The following CFAP20DC variants were observed in gnomAD, a reference collection of about 807,000 sequenced individuals.
CFAP20DC encodes the protein CFAP20 domain containing.
Under a neutral mutation model 101.7 loss-of-function variants are expected in CFAP20DC, and 84 were observed. That is an observed-to-expected ratio of 0.83 (90% CI 0.69 to 0.99). CFAP20DC has a LOEUF of 0.99. CFAP20DC is among the 50% of genes least tolerant of loss of function. The pLI is 0.00. For missense variants in CFAP20DC, 1,007 were observed against 970.3 expected, an observed-to-expected ratio of 1.04 and a Z score of -0.50; for synonymous variants, 359 against 351.2, an observed-to-expected ratio of 1.02 and a Z score of -0.25.
intron 5 of CFAP20DC, among the ~76,000 whole-genome samples, chr3:58,937,154 C>G (rs1006067730): frequency 7.9e-5 from 12 of 152,192 alleles, no homozygotes; most frequent in African/African-American, 2.9e-4. Context: ...CTTGTACTGT[C>G]AGACCAATGT....
intron 5 of CFAP20DC, among the ~76,000 whole-genome samples, chr3:58,935,699 C>T (rs2087469736): frequency 6.6e-6 from 1 of 152,124 alleles, no homozygotes; most frequent in South Asian, 2.1e-4. Context: ...ATAAATGGTG[C>T]TGGGAAAACT....
chr3:58,967,785 T>C (rs1314450208), intron 4 of CFAP20DC, among the ~76,000 whole-genome samples: 2 of 152,184 alleles, frequency 1.3e-5, no homozygotes, highest in East Asian at 3.9e-4. Context: ...TGGGGGTTTG[T>C]TGTACAGATT....
chr3:59,048,961 T>C (rs1700095262), intron 1 of CFAP20DC, among the ~76,000 whole-genome samples: 1 of 152,170 alleles, frequency 6.6e-6, no homozygotes, highest in Admixed American at 6.5e-5. Flanking sequence ...GTGTGATCCT[T>C]GGACCCCCTG....
chr3:58,822,494 G>A (rs979338938), intron 14 of CFAP20DC, among the ~76,000 whole-genome samples: 2 of 150,548 alleles, frequency 1.3e-5, no homozygotes, highest in African/African-American at 4.9e-5. Flanking sequence ...GCTAGATGAC[G>A]TGTTAGTGGG....
Position 58,806,416 on chromosome 3 carries a change from G to A in CFAP20DC, c.2216C>T (p.Pro739Leu), listed in dbSNP as rs990641232. The change falls in exon 15 of 17, where the codon CCA becomes CTA. Residue 739 changes from proline to leucine, a missense_variant. By Grantham distance (98) the Pro-to-Leu change is moderately conservative. Transcript: ENST00000482387. The part of the protein sequence containing the change: ...QGRHYQKEMN[P>L]PSPSNPRDWL... Reference sequence around the variant, plus strand: ...TTACCGGGGATTAGAAGGAGAAGGTGGGTTCATTTCTTTCTGATAGTGGCG... The same window carrying A: ...TTACCGGGGATTAGAAGGAGAAGGTAGGTTCATTTCTTTCTGATAGTGGCG... 1.2e-6 allele frequency: 2 copies of A among 1,609,048 alleles called. No individual in the cohort carries two copies. The highest frequency in any genetic ancestry group is 4.5e-5 in the East Asian group (2 of 44,858).
At chr3:59,037,692 A>ACTAG (rs1336387218) in intron 4 of CFAP20DC, among the ~76,000 whole-genome samples, 2 of 151,682 alleles carry the variant, frequency 1.3e-5, no homozygotes, top group East Asian at 1.9e-4. Flanking sequence ...GGGAGTCTAA[A>ACTAG]TTAAACCACT....
chr3:58,921,252 ATTAT>A (rs1400365340), intron 5 of CFAP20DC, among the ~76,000 whole-genome samples: 1 of 151,910 alleles, frequency 6.6e-6, no homozygotes, highest in African/African-American at 2.4e-5. Flanking sequence ...TCATTGAATT[ATTAT>A]TTAATTACTT....
rs1302792721 is a variant in CFAP20DC at position 58,846,454 on chromosome 3, C to A, written c.1971+2578G>T. Reference sequence around the variant, plus strand: ...AGAAAATACCTAGGAATCCAACCTACAAGGGATGTGAAGGACCTCTTCAGG... The same window carrying A: ...AGAAAATACCTAGGAATCCAACCTAAAAGGGATGTGAAGGACCTCTTCAGG... On this transcript the variant is annotated intron_variant, in intron 13 of 16. Transcript: ENST00000482387. 2.0e-5 allele frequency among the ~76,000 whole-genome samples: 3 copies of A among 152,004 alleles called. No individual in the cohort carries two copies. In the East Asian group the frequency reaches 5.8e-4, roughly 29 times the overall value.
In CFAP20DC at chr3:58,863,613, G is replaced by T. The variant is rs756476313; in HGVS notation, c.1538C>A (p.Thr513Lys). The T allele has an allele frequency of 6.2e-7, 1 of 1,614,126 alleles. No individual in the cohort carries two copies. The highest frequency in any genetic ancestry group is 1.1e-5 in the South Asian group (1 of 91,084). Residue 513 changes from threonine to lysine, a missense_variant, in exon 12 of 17, where the codon ACA becomes AAA. Physicochemically the swap from Thr to Lys is moderately conservative, Grantham distance 78. Coordinates refer to ENST00000482387, the MANE Select transcript of CFAP20DC (RefSeq NM_001394063.1). The surrounding 1 kb of genome is among the most constrained non-coding windows in gnomAD (Gnocchi z 5.9). ...ATCCTCTGATTGGGTGTCTCTGCTT[G>T]TCACACTGTTATCCTCTTTTAGATC... ...ILDLKEDNSV[T>K]SRDTQSEDDF... is the part of the protein sequence containing the mutation.
rs2076403417 is a variant in CFAP20DC, at chr3:58,831,694, G to A, written c.2167C>T (p.Leu723=). Residue 723 remains leucine, a synonymous_variant, in exon 14 of 17, where the codon CTG becomes TTG. Coordinates refer to ENST00000482387, the MANE Select transcript of CFAP20DC (RefSeq NM_001394063.1). ...CAAAGCCAGGGACTCACGGGTGGCA[G>A]GCAGGAGTTCCAGGTGGTTGTGTCG... ...SDDTTTWNSC[L]PPPVNQGRHY... The A allele has an allele frequency of 6.2e-7, 1 of 1,613,642 alleles. No individual in the cohort carries two copies. Among genetic ancestry groups the A allele is most frequent in the African/African-American group, 1.3e-5 (1 of 74,912 alleles).
chr3:59,039,763 C>A, intron 3 of CFAP20DC, 134 bp from the exon 4 acceptor site: 2 of 484,746 alleles, frequency 4.1e-6, no homozygotes. Context: ...AATAGCACTA[C>A]CTATGAGTTA....
intron 14 of CFAP20DC, among the ~76,000 whole-genome samples, chr3:58,829,338 A>G (rs1030853916): frequency 2.6e-5 from 4 of 151,122 alleles, no homozygotes; most frequent in Non-Finnish European, 5.9e-5. Context: ...AAAAAAAAAA[A>G]GGGATATTAT....
At chr3:58,779,936 AAG>A (rs546197452) in intron 15 of CFAP20DC, among the ~76,000 whole-genome samples, 3 of 152,080 alleles carry the variant, frequency 2.0e-5, no homozygotes, top group African/African-American at 7.2e-5. Flanking sequence ...ATCAAAAACA[AAG>A]AGAGAATTAT....
Position 59,024,462 on chromosome 3 carries a change from A to T in CFAP20DC, c.278+15095T>A, listed in dbSNP as rs190802848. Among the ~76,000 whole-genome samples the T allele has an allele frequency of 2.0e-5, 3 of 152,262 alleles. No homozygotes were observed. The East Asian group carries it at 5.8e-4, about 29-fold the overall frequency. On this transcript the variant is annotated intron_variant, in intron 4 of 16. Transcript: ENST00000482387. ...GGAGAGTTGGTTGTTGAGATGTCTAAATAATAAGACCATTATGTAATAAAT... is the reference window on the plus strand; with the variant it reads ...GGAGAGTTGGTTGTTGAGATGTCTATATAATAAGACCATTATGTAATAAAT...
At position 58,935,671 on chromosome 3, in the gene CFAP20DC, G is replaced by A. The variant is rs1441670238; in HGVS notation, c.393+1977C>T. Among the ~76,000 whole-genome samples, 28 of 152,268 alleles carry A rather than the reference G, an allele frequency of 1.8e-4. No homozygotes were observed. The East Asian group carries it at 5.0e-3, about 27-fold the overall frequency. On this transcript the variant is annotated intron_variant, in intron 5 of 16. Coordinates refer to ENST00000482387, the MANE Select transcript of CFAP20DC (RefSeq NM_001394063.1). ...CAAACCTGAGAAAAACAGCAATGGG[G>A]AAAGGATTCCCTATTTAATAAATGG...
chr3:58,884,079 G>T (rs1304973131), intron 7 of CFAP20DC, among the ~76,000 whole-genome samples: 1 of 152,058 alleles, frequency 6.6e-6, no homozygotes, highest in Non-Finnish European at 1.5e-5. Context: ...AAAAATGGGA[G>T]ATCTGGTGAG....
At chr3:58,933,492 C>T (rs1365264224) in intron 5 of CFAP20DC, among the ~76,000 whole-genome samples, 1 of 152,182 alleles carries the variant, frequency 6.6e-6, no homozygotes, top group Non-Finnish European at 1.5e-5. Flanking sequence ...CCACACCACA[C>T]CTATTCCAAA....
Position 58,831,826 on chromosome 3 carries a change from T to A in CFAP20DC, c.2035A>T (p.Ser679Cys). ...MSESELQMLA[S>C]LRWQQNEELE... ...TCTTCATTTTGTTGCCACCGTAGGC[T>A]TGCTAGCATCTGTAACTCGGATTCA... The change falls in exon 14 of 17, where the codon AGC becomes TGC. Residue 679 changes from serine to cysteine, a missense_variant. Transcript: ENST00000482387. 1 of 1,614,132 alleles carries A rather than the reference T, an allele frequency of 6.2e-7. No homozygotes were observed. Among genetic ancestry groups the A allele is most frequent in the Non-Finnish European group, 8.5e-7 (1 of 1,179,992 alleles).
intron 15 of CFAP20DC, among the ~76,000 whole-genome samples, chr3:58,762,563 A>G (rs985402291): frequency 6.6e-6 from 1 of 152,112 alleles, no homozygotes; most frequent in African/African-American, 2.4e-5. Flanking sequence ...GTTATGTGTG[A>G]ATTTGATCCT....
Sources: gnomAD v4.1 joint callset for allele counts (sites outside exome capture counted in the v4.1 genomes callset) on GRCh38, gnomAD v4.1.1 for gene constraint, Gnocchi (gnomAD v3.1) non-coding constraint, MANE v1.5 for transcripts, NCBI Gene and HGNC (gene_info 2026-07-23, HGNC 2026-07-21) for gene names.